The following SREBF2 variants were observed in gnomAD, a reference collection of about 807,000 sequenced individuals.
The protein encoded by SREBF2 is sterol regulatory element binding transcription factor 2, also known as sterol regulatory element-binding protein 2.
Under a neutral mutation model 113.1 loss-of-function variants are expected in SREBF2, and 55 were observed. The ratio of observed to expected loss-of-function variants is 0.49; its 90% CI spans 0.39 to 0.61. The LOEUF is 0.61. Ranked by LOEUF, SREBF2 falls within the 20% of genes least tolerant of loss-of-function variation. The probability of loss-of-function intolerance (pLI) is 0.00; values close to 1 mark genes in which losing one functional copy is unlikely to be tolerated. For missense variants in SREBF2, 1,349 were observed against 1,487.4 expected (o/e 0.91, Z 1.53); for synonymous variants, 593 against 605.7 (o/e 0.98, Z 0.31).
chr22:41,899,966 G>T lies in SREBF2; in HGVS notation c.2739-364G>T, dbSNP rs2269661. Reference sequence around the variant, plus strand: ...CAGAGAGTTTAATACCACATCTCTGGGGGGGTGGTCCCTTAAAGAACGGGT... The same window carrying T: ...CAGAGAGTTTAATACCACATCTCTGTGGGGGTGGTCCCTTAAAGAACGGGT... On this transcript the variant is annotated intron_variant, in intron 15 of 18. Transcript: ENST00000361204. The T allele has an allele frequency of 8.9e-4, 1,065 of 1,198,046 alleles. 6 individuals carry two copies. In the Middle Eastern group the frequency reaches 0.019, roughly 21 times the overall value. 74.2% of individuals were successfully genotyped at this position (1,198,046 alleles called of 1,614,324 possible).
intron 10 of SREBF2, among the ~76,000 whole-genome samples, chr22:41,883,464 C>T (rs1602326669): frequency 6.6e-6 from 1 of 152,192 alleles, no homozygotes; most frequent in Admixed American, 6.5e-5. Flanking sequence ...CTTGTCTGTT[C>T]CTCAGTGTGC....
chr22:41,863,134 T>C (rs781401778), intron 1 of SREBF2, among the ~76,000 whole-genome samples: 3 of 152,214 alleles, frequency 2.0e-5, no homozygotes, highest in Non-Finnish European at 4.4e-5. Flanking sequence ...CACCAAGCAC[T>C]TCGGATAAAT....
chr22:41,900,533 G>A lies in SREBF2; in HGVS notation c.2907+35G>A. On this transcript the variant is annotated intron_variant, in intron 16 of 18. Coordinates refer to ENST00000361204, the MANE Select transcript of SREBF2 (RefSeq NM_004599.4). ...AGCTGAGTTGGCCCCTGGGGGAGGT[G>A]CTCTGCACTGGTTTACGAGAACACT... The A allele has an allele frequency of 2.5e-6, 4 of 1,604,744 alleles. No homozygotes were observed. The South Asian group carries it at 4.4e-5, about 18-fold the overall frequency.
chr22:41,841,423 A>T (rs1241862304), intron 1 of SREBF2, among the ~76,000 whole-genome samples: 1 of 151,994 alleles, frequency 6.6e-6, no homozygotes. Flanking sequence ...ATTTCCTGGG[A>T]TATGTTTTTG....
intron 1 of SREBF2, among the ~76,000 whole-genome samples, chr22:41,851,868 C>A (rs549711383): frequency 5.5e-4 from 84 of 151,790 alleles, no homozygotes; most frequent in African/African-American, 1.9e-3. Flanking sequence ...CGCCTGTAAT[C>A]CCAGCACTTT....
Position 41,873,864 on chromosome 22 carries a change from C to T in SREBF2, c.934C>T (p.Pro312Ser). 6.2e-7 allele frequency: 1 copy of T among 1,613,492 alleles called. No individual in the cohort carries two copies. Among genetic ancestry groups the T allele is most frequent in the Non-Finnish European group, 8.5e-7 (1 of 1,179,726 alleles). Reference protein sequence around the residue: ...MPVMMGQEKVPIKQVPGGVKQ... With the variant: ...MPVMMGQEKVSIKQVPGGVKQ... ...TGTAATGATGGGGCAAGAGAAAGTG[C>T]CCATTAAGCAGGTACCTGGGGGAGT... The change falls in exon 5 of 19, where the codon CCC becomes TCC. Residue 312 changes from proline (P) to serine (S), a missense_variant. Pro to Ser is a moderately conservative substitution (Grantham distance 74). Around this residue, in one of 2 missense-constraint regions of SREBF2, gnomAD observed 699 missense variants for 843.3 expected, o/e 0.83. Transcript: ENST00000361204.
At chr22:41,868,380 T>G (rs2077107066) in intron 2 of SREBF2, among the ~76,000 whole-genome samples, 1 of 152,164 alleles carries the variant, frequency 6.6e-6, no homozygotes, top group Non-Finnish European at 1.5e-5. Context: ...TCCCCCACCC[T>G]GGCACCCAGA....
At chr22:41,840,627 G>T (rs1421877499) in intron 1 of SREBF2, among the ~76,000 whole-genome samples, 2 of 152,346 alleles carry the variant, frequency 1.3e-5, no homozygotes, top group African/African-American at 2.4e-5. Context: ...AGAGTTTTAT[G>T]TCAGAATTTT....
At chr22:41,880,690 C>G in intron 9 of SREBF2, 26 bp from the exon 10 acceptor site, 1 of 1,614,090 alleles carries the variant, frequency 6.2e-7, no homozygotes, top group East Asian at 2.2e-5. Context: ...GGCCAGTGAC[C>G]ATTAACACCT....
At chr22:41,849,006 TA>T (rs923087496) in intron 1 of SREBF2, among the ~76,000 whole-genome samples, 2 of 151,924 alleles carry the variant, frequency 1.3e-5, no homozygotes, top group South Asian at 2.1e-4. Context: ...TATTTTCCAG[TA>T]AAAAAAATCA....
rs778422048 is a variant in SREBF2, at chr22:41,870,940, C to T, written c.772C>T (p.Leu258=). The change falls in exon 4 of 19, where the codon CTG becomes TTG. Residue 258 remains leucine, a synonymous_variant. Transcript: ENST00000361204. ...IKTDSLVLTT[L]KTDGSPVMAA... ...GACAGATTCCCTTGTTTTGACCACA[C>T]TGAAGACAGATGGCAGCCCTGTTAT... 5.0e-6 allele frequency: 8 copies of T among 1,614,180 alleles called. No individual in the cohort carries two copies. The highest frequency in any genetic ancestry group is 1.6e-4 in the Middle Eastern group (1 of 6,062).
At chr22:41,870,648 AAAAG>A (rs929633506) in intron 3 of SREBF2, among the ~76,000 whole-genome samples, 4 of 151,482 alleles carry the variant, frequency 2.6e-5, no homozygotes, top group African/African-American at 9.7e-5. Context: ...AAAAAAAAAA[AAAAG>A]CCAGGACCCT....
chr22:41,864,173 CT>C (rs1185322718), intron 1 of SREBF2, among the ~76,000 whole-genome samples: 2 of 140,028 alleles, frequency 1.4e-5, no homozygotes, highest in African/African-American at 2.7e-5. Context: ...GCCACCACCC[CT>C]GGCCTATTTA....
intron 1 of SREBF2, among the ~76,000 whole-genome samples, chr22:41,861,730 C>A (rs1247120007): frequency 6.6e-6 from 1 of 152,070 alleles, no homozygotes; most frequent in East Asian, 1.9e-4. Flanking sequence ...CGAGACCAGC[C>A]TGGCCAACAT....
chr22:41,866,053 A>G (rs893951157), intron 1 of SREBF2, among the ~76,000 whole-genome samples: 2 of 152,160 alleles, frequency 1.3e-5, no homozygotes, highest in African/African-American at 2.4e-5. Context: ...GTGAGGAGGA[A>G]AGAGGTTAGA....
chr22:41,842,267 C>A (rs776480278), intron 1 of SREBF2, among the ~76,000 whole-genome samples: 2 of 152,182 alleles, frequency 1.3e-5, no homozygotes, highest in South Asian at 2.1e-4. Context: ...TTTTTAGTTT[C>A]TTTTACCTGC....
At position 41,877,216 on chromosome 22, in the gene SREBF2, C is replaced by A. The variant is rs752488687; in HGVS notation, c.1387-13C>A. The A allele has an allele frequency of 5.6e-6, 9 of 1,613,940 alleles. No individual in the cohort carries two copies. Among genetic ancestry groups the A allele is most frequent in the Non-Finnish European group, 7.6e-6 (9 of 1,179,962 alleles). ...TGCAGTATTTATTCCAACCTCGAGG[C>A]CTTGTTTTGAAGGTCAAAGATGAGC... On this transcript the variant is annotated splice_polypyrimidine_tract_variant and intron_variant, in intron 7 of 18. Coordinates refer to ENST00000361204, the MANE Select transcript of SREBF2 (RefSeq NM_004599.4).
intron 10 of SREBF2, among the ~76,000 whole-genome samples, chr22:41,881,706 T>C (rs754674033): frequency 3.3e-5 from 5 of 152,182 alleles, no homozygotes; most frequent in Admixed American, 6.5e-5. Context: ...GATCTTGTAG[T>C]GTATCAGTAG....
intron 1 of SREBF2, among the ~76,000 whole-genome samples, chr22:41,866,135 G>A (rs1416235728): frequency 6.6e-6 from 1 of 152,178 alleles, no homozygotes; most frequent in African/African-American, 2.4e-5. Context: ...CACAGCCTTA[G>A]GACAGTGACT....
Sources: allele counts gnomAD v4.1 joint callset (sites outside exome capture counted in the v4.1 genomes callset), GRCh38; gene constraint gnomAD v4.1.1; regional missense constraint gnomAD v4.1.1; transcripts MANE v1.5; gene names NCBI Gene and HGNC (gene_info 2026-07-23, HGNC 2026-07-21).